The following PROM1 variants were observed in gnomAD, a reference collection of about 807,000 sequenced individuals.
PROM1 encodes the protein prominin-1.
In PROM1, 105 loss-of-function variants were observed where a neutral mutation model predicts 116.9. The observed-to-expected ratio is 0.90, with a 90% CI of 0.77 to 1.06. PROM1 has a LOEUF of 1.06. Ranked by LOEUF, PROM1 falls within the 50% of genes least tolerant of loss-of-function variation. The pLI is 0.00. For missense variants in PROM1, 1,122 were observed against 1,045.2 expected (o/e 1.07, Z -1.01); for synonymous variants, 393 against 387.0 (o/e 1.02, Z -0.18).
At chr4:15,991,481 C>T (rs979695017) in intron 17 of PROM1, among the ~76,000 whole-genome samples, 188 bp from the exon 18 acceptor site, 7 of 151,894 alleles carry the variant, frequency 4.6e-5, no homozygotes, top group Non-Finnish European at 8.8e-5. Flanking sequence ...TTTATTCAAT[C>T]ATATTATTCA....
intron 8 of PROM1, among the ~76,000 whole-genome samples, chr4:16,019,627 T>A (rs1342065638): frequency 6.6e-6 from 1 of 152,206 alleles, no homozygotes; most frequent in African/African-American, 2.4e-5. Flanking sequence ...GAATTACAAC[T>A]TTTTTTCTAC....
intron 8 of PROM1, among the ~76,000 whole-genome samples, chr4:16,020,738 T>C (rs1461516394): frequency 1.3e-5 from 2 of 152,246 alleles, no homozygotes; most frequent in African/African-American, 4.8e-5. Flanking sequence ...TATTAAGCAC[T>C]GTTCATAGCC....
chr4:16,059,547 T>TA (rs1432748760), intron 2 of PROM1, among the ~76,000 whole-genome samples: 3 of 151,704 alleles, frequency 2.0e-5, no homozygotes, highest in African/African-American at 7.3e-5. Flanking sequence ...CTCTAAAAAA[T>TA]AAAAAAAATT....
chr4:16,019,955 G>A (rs568363167), intron 8 of PROM1, among the ~76,000 whole-genome samples: 1 of 152,176 alleles, frequency 6.6e-6, no homozygotes, highest in African/African-American at 2.4e-5. Flanking sequence ...TTGCATCCCA[G>A]TTCTGCTTCT....
At chr4:16,000,458 T>C in intron 14 of PROM1, 38 bp downstream of exon 14, 1 of 1,514,920 alleles carries the variant, frequency 6.6e-7, no homozygotes, top group Non-Finnish European at 9.1e-7. Flanking sequence ...CAAGTTTCTG[T>C]TCAAGTCCTT....
intron 2 of PROM1, among the ~76,000 whole-genome samples, chr4:16,050,892 CAG>C (rs763638207): frequency 2.6e-5 from 4 of 152,180 alleles, no homozygotes; most frequent in Non-Finnish European, 5.9e-5. Context: ...AAATACATTT[CAG>C]AGTCTGTACT....
At chr4:16,055,903 C>T (rs755984734) in intron 2 of PROM1, among the ~76,000 whole-genome samples, 16 of 152,096 alleles carry the variant, frequency 1.1e-4, no homozygotes, top group African/African-American at 3.4e-4. Context: ...CAAACAAAAA[C>T]ATTTCCTGCA....
chr4:16,005,001 G>A (rs1241175790), intron 13 of PROM1, among the ~76,000 whole-genome samples: 4 of 123,290 alleles, frequency 3.2e-5, no homozygotes, highest in East Asian at 5.0e-4. Flanking sequence ...TCACTCTGTC[G>A]CCCAGGTTGG....
intron 2 of PROM1, among the ~76,000 whole-genome samples, chr4:16,065,595 A>G (rs757119307): frequency 1.3e-5 from 2 of 152,206 alleles, no homozygotes; most frequent in Non-Finnish European, 2.9e-5. Context: ...ACCATCTGCC[A>G]AACAGCGTCA....
At chr4:16,013,925 A>G (rs973437683) in intron 10 of PROM1, among the ~76,000 whole-genome samples, 1 of 136,372 alleles carries the variant, frequency 7.3e-6, no homozygotes, top group Non-Finnish European at 1.5e-5. Flanking sequence ...TTAAAAATAA[A>G]ATTAGAAATA....
At chr4:16,017,768 GC>G (rs1330412813) in intron 9 of PROM1, among the ~76,000 whole-genome samples, 1 of 152,146 alleles carries the variant, frequency 6.6e-6, no homozygotes, top group East Asian at 1.9e-4. Context: ...GTTGCAGTCA[GC>G]TGAGATCGTG....
At chr4:16,025,162 A>G in intron 6 of PROM1, 30 bp downstream of exon 6, 1 of 1,600,840 alleles carries the variant, frequency 6.2e-7, no homozygotes, top group Non-Finnish European at 8.5e-7. Flanking sequence ...AATATAAAGC[A>G]TCGCGGTACA....
At chr4:15,970,967 A>G (rs1560364381) in intron 27 of PROM1, 76 bp downstream of exon 27, 8 of 1,144,794 alleles carry the variant, frequency 7.0e-6, no homozygotes, top group Non-Finnish European at 7.6e-6. Context: ...TGTATTAGGA[A>G]TAGCTATGTT....
intron 10 of PROM1, among the ~76,000 whole-genome samples, chr4:16,013,761 G>C (rs1377987048): frequency 6.6e-6 from 1 of 152,004 alleles, no homozygotes; most frequent in East Asian, 1.9e-4. Context: ...AGATGCCAGG[G>C]ATGCTAATAA....
At chr4:16,005,745 C>T (rs1330350102) in intron 13 of PROM1, among the ~76,000 whole-genome samples, 1 of 152,134 alleles carries the variant, frequency 6.6e-6, no homozygotes, top group Non-Finnish European at 1.5e-5. Flanking sequence ...CCATCTCACT[C>T]CCTACTGCTG....
At chr4:16,071,255 C>G (rs779148252) in intron 2 of PROM1, among the ~76,000 whole-genome samples, 1 of 152,132 alleles carries the variant, frequency 6.6e-6, no homozygotes, top group Non-Finnish European at 1.5e-5. Flanking sequence ...CAAGGTGTAC[C>G]GCAGAACGCA....
At chr4:16,058,574 G>A (rs1428137218) in intron 2 of PROM1, among the ~76,000 whole-genome samples, 1 of 151,576 alleles carries the variant, frequency 6.6e-6, no homozygotes, top group East Asian at 1.9e-4. Context: ...CTGAACCCAG[G>A]AGGCAGAGGT....
chr4:15,995,678 G>A (rs543135980), intron 15 of PROM1, among the ~76,000 whole-genome samples: 3 of 152,210 alleles, frequency 2.0e-5, no homozygotes, highest in African/African-American at 4.8e-5. Flanking sequence ...TCCCTCGGCC[G>A]AGGTACCTTT....
At chr4:16,062,571 G>C (rs544336480) in intron 2 of PROM1, among the ~76,000 whole-genome samples, 18 of 152,260 alleles carry the variant, frequency 1.2e-4, no homozygotes, top group Non-Finnish European at 2.2e-4. Flanking sequence ...AGTCTGGGGA[G>C]ACAAACAACA....
Sources: gnomAD v4.1 joint callset for allele counts (sites outside exome capture counted in the v4.1 genomes callset) on GRCh38, gnomAD v4.1.1 for gene constraint, MANE v1.5 for transcripts, NCBI Gene and HGNC (gene_info 2026-07-23, HGNC 2026-07-21) for gene names.